The following SLC6A11 variants were observed in gnomAD, a reference collection of about 807,000 sequenced individuals.
SLC6A11 encodes the protein sodium- and chloride-dependent GABA transporter 3.
Under a neutral mutation model 74.8 loss-of-function variants are expected in SLC6A11, and 25 were observed. The observed-to-expected ratio is 0.33, with a 90% CI of 0.24 to 0.47. The LOEUF (loss-of-function observed/expected upper bound fraction) is 0.47, where lower values mean the gene tolerates loss of function less well. Ranked by LOEUF, SLC6A11 falls within the 20% of genes least tolerant of loss-of-function variation. The pLI is 1.00. For missense variants in SLC6A11, 574 were observed against 837.0 expected (o/e 0.69, Z 3.88); for synonymous variants, 330 against 330.2 (o/e 1.00, Z 0.01).
At chr3:10,892,650 A>G (rs1695120863) in intron 6 of SLC6A11, among the ~76,000 whole-genome samples, 1 of 151,244 alleles carries the variant, frequency 6.6e-6, no homozygotes. Flanking sequence ...TGTTGCTGAC[A>G]GGAAGTTCCT....
At chr3:10,822,513 C>A (rs1694151802) in intron 3 of SLC6A11, among the ~76,000 whole-genome samples, 1 of 152,176 alleles carries the variant, frequency 6.6e-6, no homozygotes, top group African/African-American at 2.4e-5. Context: ...ACCTTAGATT[C>A]TTCTTCCTCA....
chr3:10,895,395 G>T (rs981478230), intron 6 of SLC6A11, among the ~76,000 whole-genome samples: 1 of 151,962 alleles, frequency 6.6e-6, no homozygotes, highest in Non-Finnish European at 1.5e-5. Context: ...CAGGACATAT[G>T]CACCATGGAA....
At chr3:10,874,890 C>T (rs1230868263) in intron 5 of SLC6A11, 71 bp from the exon 6 acceptor site, 1 of 1,465,400 alleles carries the variant, frequency 6.8e-7, no homozygotes, top group Non-Finnish European at 9.3e-7. Context: ...ACCCAAAGGA[C>T]ATTGTGCTGA....
At chr3:10,833,304 C>G (rs925567233) in intron 4 of SLC6A11, among the ~76,000 whole-genome samples, 15 of 152,170 alleles carry the variant, frequency 9.9e-5, no homozygotes, top group Non-Finnish European at 4.4e-5. Context: ...TCAGGTAATC[C>G]ACCCACCTTG....
intron 3 of SLC6A11, among the ~76,000 whole-genome samples, chr3:10,822,397 A>G (rs1338450828): frequency 6.6e-6 from 1 of 152,200 alleles, no homozygotes. Flanking sequence ...CCCGTGGCAA[A>G]GTAGATGGAG....
intron 6 of SLC6A11, among the ~76,000 whole-genome samples, chr3:10,887,214 T>G (rs1695054606): frequency 6.6e-6 from 1 of 151,412 alleles, no homozygotes; most frequent in Non-Finnish European, 1.5e-5. Flanking sequence ...AAATGGATAA[T>G]GAATGGGCAG....
chr3:10,865,962 A>G (rs1694758397), intron 5 of SLC6A11, among the ~76,000 whole-genome samples: 1 of 152,244 alleles, frequency 6.6e-6, no homozygotes, highest in Non-Finnish European at 1.5e-5. Context: ...ACCCAAGATC[A>G]CAGAGGCAAT....
intron 8 of SLC6A11, among the ~76,000 whole-genome samples, chr3:10,924,570 G>C (rs919069960): frequency 3.9e-5 from 6 of 151,982 alleles, no homozygotes; most frequent in Non-Finnish European, 8.8e-5. Context: ...CACAGACTGG[G>C]AGAAAATATT....
chr3:10,931,728 CTCCCCAGTTAGCCATGG>C (rs1695690302), intron 10 of SLC6A11, among the ~76,000 whole-genome samples: 1 of 152,358 alleles, frequency 6.6e-6, no homozygotes, highest in East Asian at 1.9e-4. Flanking sequence ...GGGGCCCATA[CTCCCCAGTTAGCCATGG>C]TCCCCACCAC....
intron 5 of SLC6A11, among the ~76,000 whole-genome samples, chr3:10,853,456 A>T (rs914874446): frequency 1.3e-5 from 2 of 152,128 alleles, no homozygotes; most frequent in African/African-American, 4.8e-5. Flanking sequence ...GAACCTGCCA[A>T]GGCCACCCCT....
chr3:10,835,600 C>T (rs1171442351), intron 4 of SLC6A11, among the ~76,000 whole-genome samples: 2 of 152,178 alleles, frequency 1.3e-5, no homozygotes, highest in African/African-American at 4.8e-5. Flanking sequence ...TCAGTCTCAC[C>T]CTCCAGCCAC....
chr3:10,873,215 T>A (rs2106602643), intron 5 of SLC6A11, among the ~76,000 whole-genome samples: 1 of 152,288 alleles, frequency 6.6e-6, no homozygotes, highest in East Asian at 1.9e-4. Context: ...CTGTCTTGAT[T>A]CTTATCCAGA....
At chr3:10,900,324 T>A (rs1216198483) in intron 6 of SLC6A11, among the ~76,000 whole-genome samples, 1 of 152,132 alleles carries the variant, frequency 6.6e-6, no homozygotes, top group Non-Finnish European at 1.5e-5. Flanking sequence ...TAAGCAGCTG[T>A]GGGCACCCTA....
rs1695446933 is a variant in SLC6A11, at chr3:10,915,829, A to G, written c.996-2500A>G. 6.6e-6 allele frequency among the ~76,000 whole-genome samples: 1 copy of G among 152,196 alleles called. No homozygotes were observed. Among genetic ancestry groups the G allele is most frequent in the Non-Finnish European group, 1.5e-5 (1 of 68,032 alleles). ...TGCAGGAAGATGGGAATTTTTTAAC[A>G]AGGGACAATTTGTTTTTCAACACCT... On this transcript the variant is annotated intron_variant, in intron 7 of 13. Coordinates refer to ENST00000254488, the MANE Select transcript of SLC6A11 (RefSeq NM_014229.3). The surrounding 1 kb of genome is among the most constrained non-coding windows in gnomAD (Gnocchi z 4.3).
rs750032545 is a variant in SLC6A11, at chr3:10,816,717, A to G, written c.256+196A>G. ...TGCCAGTGCGCACGCGCACGTGCCA[A>G]TTCGCACCTGAGGGTTCCACCTGCC... On this transcript the variant is annotated intron_variant, in intron 1 of 13. Transcript: ENST00000254488. The surrounding 1 kb of genome is among the most constrained non-coding windows in gnomAD (Gnocchi z 4.2). 1.3e-5 allele frequency among the ~76,000 whole-genome samples: 2 copies of G among 152,164 alleles called. No homozygotes were observed. The highest frequency in any genetic ancestry group is 2.4e-5 in the African/African-American group (1 of 41,448).
intron 4 of SLC6A11, chr3:10,825,093 A>C (rs1236130732): frequency 1.3e-5 from 2 of 150,646 alleles, no homozygotes; most frequent in Non-Finnish European, 2.9e-5. Flanking sequence ...GAAGCAGGAG[A>C]ATCACTTGAA....
rs143274775 is a variant in SLC6A11, at chr3:10,912,096, G to A, written c.898G>A (p.Val300Ile). Reference sequence around the variant, plus strand: ...TCTTTGTGCCTTCCTACAGGTCTGGGTAGATGCTGGAACGCAGATCTTTTT... The same window carrying A: ...TCTTTGTGCCTTCCTACAGGTCTGGATAGATGCTGGAACGCAGATCTTTTT... Reference protein sequence around the residue: ...LSRLSDPQVWVDAGTQIFFSY... With the variant: ...LSRLSDPQVWIDAGTQIFFSY... Residue 300 changes from valine (V) to isoleucine (I), a missense_variant, in exon 7 of 14, where the codon GTA becomes ATA. Transcript: ENST00000254488. The A allele has an allele frequency of 1.2e-6, 2 of 1,611,238 alleles. No individual in the cohort carries two copies. The highest frequency in any genetic ancestry group is 1.3e-5 in the African/African-American group (1 of 75,006).
chr3:10,832,002 G>A (rs1223395217), intron 4 of SLC6A11, among the ~76,000 whole-genome samples: 1 of 152,182 alleles, frequency 6.6e-6, no homozygotes, highest in African/African-American at 2.4e-5. Flanking sequence ...GCTAGTAGAA[G>A]CTTCCACCTT....
Position 10,915,008 on chromosome 3 carries a change from C to T in SLC6A11, c.995+2815C>T, listed in dbSNP as rs1695437278. Among the ~76,000 whole-genome samples, 1 of 152,138 alleles carries T rather than the reference C, an allele frequency of 6.6e-6. No homozygotes were observed. On this transcript the variant is annotated intron_variant, in intron 7 of 13. Coordinates refer to ENST00000254488, the MANE Select transcript of SLC6A11 (RefSeq NM_014229.3). This position sits in a 1 kb window ranked among gnomAD's most constrained non-coding sequence, Gnocchi z 4.3. ...TTGTACTTAGTTTAGTGCTGGCTTC[C>T]ATGCAGGGCAGTCAGAAAGAAACCA...
Sources: allele counts gnomAD v4.1 joint callset (sites outside exome capture counted in the v4.1 genomes callset), GRCh38; gene constraint gnomAD v4.1.1; non-coding constraint Gnocchi (gnomAD v3.1); transcripts MANE v1.5; gene names NCBI Gene and HGNC (gene_info 2026-07-23, HGNC 2026-07-21).